Variants in DIP2C observed in about 807,000 individuals in gnomAD.
DIP2C encodes the protein DIP2 acetate--CoA ligase C (putative).
DIP2C carries 33 observed loss-of-function variants against 192.4 expected under a neutral mutation model. The ratio of observed to expected loss-of-function variants is 0.17; its 90% CI spans 0.13 to 0.23. DIP2C has a LOEUF of 0.23. Ranked by LOEUF, DIP2C falls within the 10% of genes least tolerant of loss-of-function variation. The pLI is 1.00. For missense variants in DIP2C, 1,537 were observed against 2,110.1 expected, an observed-to-expected ratio of 0.73 and a Z score of 5.32; for synonymous variants, 979 against 864.1, an observed-to-expected ratio of 1.13 and a Z score of -2.33.
chr10:448,848 G>A (rs1481611705), intron 3 of DIP2C, among the ~76,000 whole-genome samples: 1 of 117,682 alleles, frequency 8.5e-6, no homozygotes, highest in Non-Finnish European at 1.7e-5. Context: ...ACACACAGTG[G>A]GGCAGCAGGA....
At chr10:417,765 CACCT>C (rs1965797868) in intron 6 of DIP2C, among the ~76,000 whole-genome samples, 2 of 78,750 alleles carry the variant, frequency 2.5e-5, no homozygotes, top group African/African-American at 8.6e-5. Context: ...CATCCCTGTC[CACCT>C]GCACCTGTCA....
At chr10:350,037 T>C (rs1305554456) in intron 24 of DIP2C, among the ~76,000 whole-genome samples, 1 of 152,192 alleles carries the variant, frequency 6.6e-6, no homozygotes, top group African/African-American at 2.4e-5. Flanking sequence ...ACACGAGGGT[T>C]GTGAGGGAAG....
intron 4 of DIP2C, among the ~76,000 whole-genome samples, chr10:440,329 CT>C (rs1424122388): frequency 2.6e-5 from 4 of 152,348 alleles, no homozygotes; most frequent in East Asian, 3.9e-4. Context: ...TCACCTATGG[CT>C]GCTTTCACAC....
At chr10:568,194 G>C (rs1849558668) in intron 1 of DIP2C, among the ~76,000 whole-genome samples, 1 of 152,158 alleles carries the variant, frequency 6.6e-6, no homozygotes, top group Non-Finnish European at 1.5e-5. Context: ...GAACCAGGAG[G>C]CTCCAGGGGT....
At chr10:574,536 G>T (rs1049674522) in intron 1 of DIP2C, among the ~76,000 whole-genome samples, 1 of 148,112 alleles carries the variant, frequency 6.8e-6, no homozygotes, top group Non-Finnish European at 1.5e-5. Context: ...ATTAGTGATC[G>T]TGGTGGGGCA....
chr10:319,703 T>C (rs1956924774), intron 31 of DIP2C, among the ~76,000 whole-genome samples: 1 of 152,256 alleles, frequency 6.6e-6, no homozygotes, highest in East Asian at 1.9e-4. Flanking sequence ...TGTCCACTTT[T>C]ATCATAAATT....
intron 14 of DIP2C, 100 bp downstream of exon 14, chr10:387,645 T>C (rs1441060612): frequency 1.2e-5 from 11 of 883,128 alleles, no homozygotes; most frequent in Admixed American, 1.2e-4. Flanking sequence ...GGGACTCCTG[T>C]GTGGACAGAC....
intron 6 of DIP2C, among the ~76,000 whole-genome samples, chr10:418,501 G>A (rs1965956618): frequency 1.3e-5 from 2 of 152,194 alleles, no homozygotes; most frequent in Non-Finnish European, 2.9e-5. Flanking sequence ...TGGAATAGGG[G>A]CTGAGTGACA....
Position 369,628 on chromosome 10 carries a change from G to A in DIP2C, c.1997C>T (p.Thr666Met), listed in dbSNP as rs577705259. Residue 666 changes from threonine to methionine, a missense_variant, in exon 18 of 37, where the codon ACG becomes ATG. Transcript: ENST00000280886. The part of the protein sequence containing the change: ...EALTVAIRRP[T>M]DDSNQPPGRG... Reference sequence around the variant, plus strand: ...GCCCGGGGGCTGGTTACTGTCATCCGTGGGCCTGTAATGACAGTTTTTAAC... The same window carrying A: ...GCCCGGGGGCTGGTTACTGTCATCCATGGGCCTGTAATGACAGTTTTTAAC... 21 of 1,613,990 alleles carry A rather than the reference G, an allele frequency of 1.3e-5. No individual in the cohort carries two copies. Among genetic ancestry groups the A allele is most frequent in the Middle Eastern group, 1.6e-4 (1 of 6,080 alleles).
chr10:490,166 TTCC>T (rs1247728862), intron 1 of DIP2C, among the ~76,000 whole-genome samples: 2 of 147,862 alleles, frequency 1.4e-5, no homozygotes, highest in Non-Finnish European at 3.0e-5. Context: ...TGCCCGAGCC[TTCC>T]TCCATTTCAC....
chr10:388,574 G>A (rs980458764), intron 13 of DIP2C, among the ~76,000 whole-genome samples: 2 of 147,656 alleles, frequency 1.4e-5, no homozygotes, highest in Non-Finnish European at 2.9e-5. Flanking sequence ...AAGAGCGAAC[G>A]TATCATTCCC....
chr10:345,213 G>A, intron 26 of DIP2C, 103 bp from the exon 27 acceptor site: 1 of 1,125,080 alleles, frequency 8.9e-7, no homozygotes, highest in Non-Finnish European at 1.3e-6. Context: ...AAACCATGTA[G>A]CTTTAACGGG....
chr10:316,711 C>T (rs866902719), intron 31 of DIP2C, among the ~76,000 whole-genome samples: 6 of 152,210 alleles, frequency 3.9e-5, no homozygotes, highest in Non-Finnish European at 8.8e-5. Flanking sequence ...GAGCCCCTGC[C>T]TTTTGCACAC....
intron 3 of DIP2C, among the ~76,000 whole-genome samples, chr10:470,482 G>A (rs1204169116): frequency 6.6e-6 from 1 of 152,108 alleles, no homozygotes; most frequent in Non-Finnish European, 1.5e-5. Flanking sequence ...AAGGTGCACG[G>A]ATGAACAGAA....
At chr10:398,644 C>T (rs1054884124) in intron 10 of DIP2C, among the ~76,000 whole-genome samples, 6 of 152,300 alleles carry the variant, frequency 3.9e-5, no homozygotes, top group East Asian at 3.9e-4. Context: ...TGACAACGCA[C>T]ATTAATTTCT....
In DIP2C at chr10:348,710, T is replaced by C. The variant is rs145547279; in HGVS notation, c.3162A>G (p.Pro1054=). The change falls in exon 26 of 37, where the codon CCA becomes CCG. Residue 1054 remains proline, a synonymous_variant. Coordinates refer to ENST00000280886, the MANE Select transcript of DIP2C (RefSeq NM_014974.3). The part of the protein sequence containing the change: ...FYGCLYAGCV[P]ITVRPPHPQN... ...GTGGGTGCGGGGGACGGACGGTTAT[T>C]GGCACACAGCCTGCGTACAGGCAAC... 2.5e-5 allele frequency: 41 copies of C among 1,614,030 alleles called. No homozygotes were observed. In the African/African-American group the frequency reaches 3.7e-4, roughly 15 times the overall value.
Position 283,266 on chromosome 10 carries a change from T to G in DIP2C, c.4294+6A>C. On this transcript the variant is annotated splice_donor_region_variant and intron_variant, in intron 35 of 36. Transcript: ENST00000280886. ...TTGGGGGGGGGCCGCCAGCCTGGAC[T>G]CTCACCTCCATTTGCATCTGTGAGC... The G allele has an allele frequency of 6.2e-7, 1 of 1,613,280 alleles. No homozygotes were observed. Among genetic ancestry groups the G allele is most frequent in the African/African-American group, 1.3e-5 (1 of 74,994 alleles).
intron 19 of DIP2C, 102 bp from the exon 20 acceptor site, chr10:364,684 G>T: frequency 7.7e-7 from 1 of 1,306,850 alleles, no homozygotes; most frequent in Non-Finnish European, 1.1e-6. Flanking sequence ...CTTAAGCTCT[G>T]CCTTTCACCC....
chr10:296,003 G>A (rs2132233608), intron 32 of DIP2C, among the ~76,000 whole-genome samples: 1 of 152,268 alleles, frequency 6.6e-6, no homozygotes, highest in Admixed American at 6.5e-5. Context: ...TAAGTTCTTT[G>A]TAGATTCTGG....
Sources: allele counts gnomAD v4.1 joint callset (sites outside exome capture counted in the v4.1 genomes callset), GRCh38; gene constraint gnomAD v4.1.1; transcripts MANE v1.5; gene names NCBI Gene and HGNC (gene_info 2026-07-23, HGNC 2026-07-21).